Variants in PGA5 observed in about 807,000 individuals in gnomAD.
PGA5 encodes the protein pepsinogen A5.
PGA5 carries 19 observed loss-of-function variants against 15.9 expected under a neutral mutation model. The ratio of observed to expected loss-of-function variants is 1.19; its 90% CI spans 0.83 to 1.75. PGA5 has a LOEUF of 1.75. PGA5 is among the 40% of genes most tolerant of loss of function. The probability of loss-of-function intolerance (pLI) is 0.00; values close to 1 mark genes in which losing one functional copy is unlikely to be tolerated. For missense variants in PGA5, 224 were observed against 246.4 expected, an observed-to-expected ratio of 0.91 and a Z score of 0.61; for synonymous variants, 92 against 95.8, an observed-to-expected ratio of 0.96 and a Z score of 0.23.
rs543553132 is a variant in PGA5, at chr11:61,249,520, T to C, written c.774-149T>C. ...ATTTGTAGGGTAAATGAATGCGGGA[T>C]GAATGAGTGCGTGAACGAGAGGAAC... On this transcript the variant is annotated intron_variant, in intron 6 of 8. Transcript: ENST00000312403. 686 of 1,418,014 alleles carry C rather than the reference T, an allele frequency of 4.8e-4. 1 individual carries two copies. The highest frequency in any genetic ancestry group is 5.8e-4 in the Non-Finnish European group (591 of 1,022,928). 87.8% of individuals were successfully genotyped at this position (1,418,014 alleles called of 1,614,324 possible). A position where few individuals can be genotyped will look rare whatever the true frequency, so the allele number is the denominator to read the frequency against.
In PGA5 at chr11:61,250,712, T is replaced by C. The variant is rs534412148; in HGVS notation, c.1018-420T>C. The C allele has an allele frequency of 1.1e-3, 507 of 466,124 alleles. 10 individuals are homozygous for C. Among genetic ancestry groups the C allele is most frequent in the African/African-American group, 9.3e-3 (465 of 50,234 alleles). 28.9% of individuals were successfully genotyped at this position (466,124 alleles called of 1,614,324 possible). Reference sequence around the variant, plus strand: ...CGGGGGTTCAAAGCTCCCCAGGTGATGTGCAGACAAGGTCGCAGCCCAGTG... The same window carrying C: ...CGGGGGTTCAAAGCTCCCCAGGTGACGTGCAGACAAGGTCGCAGCCCAGTG... On this transcript the variant is annotated intron_variant, in intron 8 of 8. Transcript: ENST00000312403.
In PGA5 at chr11:61,248,051, G is replaced by A. The variant is rs914805151; in HGVS notation, c.657-368G>A. 59 of 608,760 alleles carry A rather than the reference G, an allele frequency of 9.7e-5. 1 individual carries two copies. Among genetic ancestry groups the A allele is most frequent in the Non-Finnish European group, 1.5e-4 (51 of 343,762 alleles). 37.7% of individuals were successfully genotyped at this position (608,760 alleles called of 1,614,324 possible). ...CCTCCACCCTCAAGTCCTTAAGAGC[G>A]GACACTGTCATGCATTCACTTCCCT... On this transcript the variant is annotated intron_variant, in intron 5 of 8. Coordinates refer to ENST00000312403, the MANE Select transcript of PGA5 (RefSeq NM_014224.5).
rs576990857 is a variant in PGA5, at chr11:61,250,009, C to A, written c.1012C>A (p.Leu338Met). 1 of 1,609,058 alleles carries A rather than the reference C, an allele frequency of 6.2e-7. No individual in the cohort carries two copies. The highest frequency in any genetic ancestry group is 8.5e-7 in the Non-Finnish European group (1 of 1,178,412). The part of the protein sequence containing the change: ...QYPVPPSAYI[L>M]QSEGSCISGF... ...CCCCGTGCCACCCAGTGCCTACATCCTGCAGGTGAGGAGGCTCTGGACCAT... is the reference window on the plus strand; with the variant it reads ...CCCCGTGCCACCCAGTGCCTACATCATGCAGGTGAGGAGGCTCTGGACCAT... The change falls in exon 8 of 9, where the codon CTG (leucine) becomes ATG (methionine). Residue 338 changes from leucine to methionine, a missense_variant. Leu to Met is a conservative substitution (Grantham distance 15). Transcript: ENST00000312403.
At chr11:61,250,374 C>A (rs1287798393) in intron 8 of PGA5, among the ~76,000 whole-genome samples, 1 of 151,486 alleles carries the variant, frequency 6.6e-6, no homozygotes, top group East Asian at 1.9e-4. Flanking sequence ...TGGCAGCTTT[C>A]CCCACCCTCA....
chr11:61,246,234 C>A, intron 5 of PGA5, 89 bp downstream of exon 5: 1 of 282,314 alleles, frequency 3.5e-6, no homozygotes, highest in South Asian at 2.4e-5. Flanking sequence ...AGGCTGGGTG[C>A]GATGGAGAGG....
intron 6 of PGA5, chr11:61,249,407 C>A (rs61895887): frequency 0.1 from 63,349 of 633,820 alleles, 4,017 homozygotes; most frequent in Non-Finnish European, 0.13. Flanking sequence ...CCAGCTAGGC[C>A]GGGAGCTCCC....
intron 6 of PGA5, 82 bp from the exon 7 acceptor site, chr11:61,249,587 T>A (rs1201920785): frequency 1.2e-6 from 2 of 1,610,504 alleles, no homozygotes; most frequent in East Asian, 4.5e-5. Flanking sequence ...GGGGAAGGAA[T>A]GTCTGGGCTC....
chr11:61,250,813 G>C, intron 8 of PGA5: 2 of 593,020 alleles, frequency 3.4e-6, no homozygotes, highest in South Asian at 3.0e-5. Flanking sequence ...AGAAAAGGAT[G>C]TAGTGGCAGG....
chr11:61,251,358 T>G lies in PGA5; in HGVS notation c.*77T>G. 6.2e-7 allele frequency: 1 copy of G among 1,606,564 alleles called. No individual in the cohort carries two copies. The highest frequency in any genetic ancestry group is 8.5e-7 in the Non-Finnish European group (1 of 1,176,512). On this transcript the variant is annotated 3_prime_UTR_variant, in exon 9 of 9. Coordinates refer to ENST00000312403, the MANE Select transcript of PGA5 (RefSeq NM_014224.5). ...CCACTTTAGATGTATCTAATTCTCC[T>G]GACTGTTCTTCCCAGGGGAGTGTGA...
In PGA5 at chr11:61,246,027, G is replaced by A. The variant is rs561755178; in HGVS notation, c.538G>A (p.Asp180Asn). 839 of 384,978 alleles carry A rather than the reference G, an allele frequency of 2.2e-3. 2 individuals are homozygous for A. Among genetic ancestry groups the A allele is most frequent in the Middle Eastern group, 6.6e-3 (11 of 1,664 alleles). The allele number at this position is 384,978 out of a possible 1,614,324, so 23.8% of individuals were successfully genotyped here. A position where few individuals can be genotyped will look rare whatever the true frequency, so the allele number is the denominator to read the frequency against. The change falls in exon 5 of 9, where the codon GAT becomes AAT. Residue 180 changes from aspartate (D) to asparagine (N), a missense_variant. By Grantham distance (23) the Asp-to-Asn change is conservative. Transcript: ENST00000312403. ...CTCCTTCCTGTATTATGCTCCCTTC[G>A]ATGGCATCCTGGGGCTGGCCTACCC... ...PGSFLYYAPFDGILGLAYPSI... is the reference protein window; with the variant it reads ...PGSFLYYAPFNGILGLAYPSI...
At chr11:61,248,189 G>C (rs756493171) in intron 5 of PGA5, 4 of 964,706 alleles carry the variant, frequency 4.1e-6, no homozygotes, top group Non-Finnish European at 6.7e-6. Context: ...GTGACCTTGG[G>C]CAGGTGGCCT....
chr11:61,246,929 G>A (rs994998952), intron 5 of PGA5, among the ~76,000 whole-genome samples: 1 of 151,932 alleles, frequency 6.6e-6, no homozygotes, highest in African/African-American at 2.4e-5. Context: ...ATAAAATCTA[G>A]GTTCCATTTG....
rs574677861 is a variant in PGA5, at chr11:61,249,018, G to C, written c.773+483G>C. On this transcript the variant is annotated intron_variant, in intron 6 of 8. Coordinates refer to ENST00000312403, the MANE Select transcript of PGA5 (RefSeq NM_014224.5). ...TCCCTGGCAGCTTCATTTCTACGCTGTTCTTCCCCAGCTAGCCTGCTAGCG... is the reference window on the plus strand; with the variant it reads ...TCCCTGGCAGCTTCATTTCTACGCTCTTCTTCCCCAGCTAGCCTGCTAGCG... 3.4e-3 allele frequency among the ~76,000 whole-genome samples: 518 copies of C among 152,086 alleles called. 8 individuals carry two copies. Among genetic ancestry groups the C allele is most frequent in the African/African-American group, 0.012 (476 of 41,378 alleles).
intron 6 of PGA5, among the ~76,000 whole-genome samples, chr11:61,249,062 T>C (rs1223641143): frequency 6.6e-6 from 1 of 151,992 alleles, no homozygotes; most frequent in African/African-American, 2.4e-5. Flanking sequence ...GGTGTGGGTT[T>C]TCCCAAGAAT....
rs1041519365 is a variant in PGA5, at chr11:61,247,718, G to T, written c.657-701G>T. Reference sequence around the variant, plus strand: ...GGCTCTTTGTCATGTATTCTTCTTGGCCAGTTAATGTTCAAGGTGGCTCTG... The same window carrying T: ...GGCTCTTTGTCATGTATTCTTCTTGTCCAGTTAATGTTCAAGGTGGCTCTG... On this transcript the variant is annotated intron_variant, in intron 5 of 8. Transcript: ENST00000312403. 9.9e-5 allele frequency among the ~76,000 whole-genome samples: 15 copies of T among 151,954 alleles called. 1 individual carries two copies. Among genetic ancestry groups the T allele is most frequent in the African/African-American group, 3.4e-4 (14 of 41,260 alleles).
chr11:61,248,998 G>T lies in PGA5; in HGVS notation c.773+463G>T, dbSNP rs115462503. Among the ~76,000 whole-genome samples, 601 of 152,188 alleles carry T rather than the reference G, an allele frequency of 3.9e-3. 12 individuals carry two copies. The highest frequency in any genetic ancestry group is 0.013 in the African/African-American group (556 of 41,424). ...CCTTCGGGGCCTCCCCTGTCTCCCT[G>T]GCAGCTTCATTTCTACGCTGTTCTT... On this transcript the variant is annotated intron_variant, in intron 6 of 8. Transcript: ENST00000312403.
At chr11:61,247,540 G>A (rs1590591584) in intron 5 of PGA5, among the ~76,000 whole-genome samples, 1 of 152,026 alleles carries the variant, frequency 6.6e-6, no homozygotes, top group Middle Eastern at 3.4e-3. Context: ...GCCTCACAAA[G>A]TGCTGGGATT....
In PGA5 at chr11:61,249,705, G is replaced by A. The variant is rs543110889; in HGVS notation, c.810G>A (p.Glu270=). ...ACGGAGAGACCATCGCCTGTGCTGAGGGCTGCCAGGCCATTGTTGACACCG... is the reference window on the plus strand; with the variant it reads ...ACGGAGAGACCATCGCCTGTGCTGAAGGCTGCCAGGCCATTGTTGACACCG... The part of the protein sequence containing the change: ...TMNGETIACA[E]GCQAIVDTGT... The change falls in exon 7 of 9, where the codon GAG becomes GAA. Residue 270 remains glutamate, a synonymous_variant. Transcript: ENST00000312403. 3.8e-5 allele frequency: 62 copies of A among 1,613,378 alleles called. No individual in the cohort carries two copies. Among genetic ancestry groups the A allele is most frequent in the South Asian group, 2.6e-4 (24 of 91,048 alleles).
chr11:61,249,861 G>A (rs372282691), intron 7 of PGA5, 48 bp downstream of exon 7: 6 of 1,613,572 alleles, frequency 3.7e-6, no homozygotes, highest in Non-Finnish European at 3.4e-6. Context: ...TAGTGGGTGT[G>A]CCAGGCAGAA....
Sources: allele counts gnomAD v4.1 joint callset (sites outside exome capture counted in the v4.1 genomes callset), GRCh38; gene constraint gnomAD v4.1.1; transcripts MANE v1.5; gene names NCBI Gene and HGNC (gene_info 2026-07-23, HGNC 2026-07-21).